PCDHGB2: variants seen among roughly 807,000 people sequenced by gnomAD.
The protein encoded by PCDHGB2 is protocadherin gamma-B2.
In PCDHGB2, 55 loss-of-function variants were observed where a neutral mutation model predicts 59.3. The ratio of observed to expected loss-of-function variants is 0.93; its 90% CI spans 0.75 to 1.16. PCDHGB2 has a LOEUF of 1.16. PCDHGB2 is among the 50% of genes most tolerant of loss of function. The probability of loss-of-function intolerance (pLI) is 0.00; values close to 1 mark genes in which losing one functional copy is unlikely to be tolerated. For synonymous variants in PCDHGB2, 516 were observed against 512.0 expected (o/e 1.01, Z -0.11); for missense variants, 1,228 against 1,198.5 (o/e 1.02, Z -0.36).
rs539072548 is a variant in PCDHGB2 at position 141,421,546 on chromosome 5, A to G, written c.2421+58990A>G. 4.3e-6 allele frequency: 7 copies of G among 1,613,896 alleles called. No homozygotes were observed. The South Asian group carries it at 4.4e-5, about 10-fold the overall frequency. ...GACGGTGTCCTCCTGTTTTTTAAAT[A>G]TGGAACTTCTCGTGGAAGACACCTT... On this transcript the variant is annotated intron_variant, in intron 1 of 3. Transcript: ENST00000522605.
chr5:141,461,921 T>G (rs2099026403), intron 1 of PCDHGB2, among the ~76,000 whole-genome samples: 1 of 152,222 alleles, frequency 6.6e-6, no homozygotes, highest in Non-Finnish European at 1.5e-5. Flanking sequence ...CCTCCTGGGT[T>G]CCAGCAATTC....
At position 141,476,402 on chromosome 5, in the gene PCDHGB2, G is replaced by A. The variant is rs775511298; in HGVS notation, c.2422-18405G>A. The stretch of plus-strand genomic sequence containing the variant: ...TGTGAACGACCGTCTGGATCGAGAG[G>A]AGCTGTGTGGGACACTGCCCTCTTG... On this transcript the variant is annotated intron_variant, in intron 1 of 3. Coordinates refer to ENST00000522605, the MANE Select transcript of PCDHGB2 (RefSeq NM_018923.3). This position sits in a 1 kb window ranked among gnomAD's most constrained non-coding sequence, Gnocchi z 7.6. 9 of 1,613,992 alleles carry A rather than the reference G, an allele frequency of 5.6e-6. No individual in the cohort carries two copies. Among genetic ancestry groups the A allele is most frequent in the African/African-American group, 1.3e-5 (1 of 74,904 alleles).
At chr5:141,365,771 A>T in intron 1 of PCDHGB2, 1 of 1,613,880 alleles carries the variant, frequency 6.2e-7, no homozygotes, top group South Asian at 1.1e-5. Context: ...TGACCCCGAC[A>T]GCGGCGACAA....
In PCDHGB2 at chr5:141,477,813, A is replaced by T; in HGVS notation, c.2422-16994A>T. ...ACTGATCGCAATGACAATGCCCCCC[A>T]GGTCCTATATCCTCGGCCAGGTGGG... On this transcript the variant is annotated intron_variant, in intron 1 of 3. Coordinates refer to ENST00000522605, the MANE Select transcript of PCDHGB2 (RefSeq NM_018923.3). The surrounding 1 kb of genome is among the most constrained non-coding windows in gnomAD (Gnocchi z 4.9). The T allele has an allele frequency of 6.2e-7, 1 of 1,614,122 alleles. No homozygotes were observed. The highest frequency in any genetic ancestry group is 1.1e-5 in the South Asian group (1 of 91,084).
At chr5:141,404,780 A>G (rs746373854) in intron 1 of PCDHGB2, 2 of 1,612,764 alleles carry the variant, frequency 1.2e-6, no homozygotes, top group African/African-American at 1.3e-5. Flanking sequence ...CCGCCTATTC[A>G]AGGCCAGTGA....
chr5:141,421,912 A>G (rs1207036091), intron 1 of PCDHGB2: 2 of 1,613,696 alleles, frequency 1.2e-6, no homozygotes, highest in Admixed American at 1.7e-5. Context: ...CGCAGTTCCC[A>G]TTCGTGTGGT....
intron 1 of PCDHGB2, chr5:141,409,250 A>G: frequency 6.2e-7 from 1 of 1,614,024 alleles, no homozygotes; most frequent in Non-Finnish European, 8.5e-7. Flanking sequence ...AATAATCATC[A>G]CTTCTCTCTC....
At chr5:141,372,522 G>A (rs759250494) in intron 1 of PCDHGB2, 17 of 1,613,986 alleles carry the variant, frequency 1.1e-5, no homozygotes, top group Non-Finnish European at 1.4e-5. Context: ...GGTGATTCTG[G>A]CAATCTCCCT....
intron 1 of PCDHGB2, among the ~76,000 whole-genome samples, chr5:141,446,153 AT>A (rs1158236808): frequency 1.3e-5 from 2 of 152,362 alleles, no homozygotes; most frequent in East Asian, 3.9e-4. Flanking sequence ...TAGGTGGAAT[AT>A]AAATTTCATG....
chr5:141,465,520 G>C (rs2099104807), intron 1 of PCDHGB2, among the ~76,000 whole-genome samples: 1 of 152,144 alleles, frequency 6.6e-6, no homozygotes, highest in Non-Finnish European at 1.5e-5. Flanking sequence ...GAAGGATTCT[G>C]GGGAAGTTTT....
At chr5:141,399,991 G>T (rs1226741326) in intron 1 of PCDHGB2, 3 of 1,612,304 alleles carry the variant, frequency 1.9e-6, no homozygotes, top group Admixed American at 3.3e-5. Context: ...CACAGGAGAG[G>T]TGCGCACAGC....
chr5:141,375,129 T>C (rs749288394), intron 1 of PCDHGB2: 4 of 1,613,890 alleles, frequency 2.5e-6, no homozygotes, highest in Non-Finnish European at 2.5e-6. Context: ...GAAGTGGTTG[T>C]TACATCTGGA....
Position 141,376,575 on chromosome 5 carries a change from C to T in PCDHGB2, c.2421+14019C>T, listed in dbSNP as rs149813666. ...CCCGCAACCCAACTAATCAGACAGG[C>T]TCATCAGCTAGATCGGCTGTTATAG... On this transcript the variant is annotated intron_variant, in intron 1 of 3. Transcript: ENST00000522605. 4.5e-5 allele frequency: 72 copies of T among 1,597,700 alleles called. No individual in the cohort carries two copies. The East Asian group carries it at 1.4e-3, about 32-fold the overall frequency.
chr5:141,483,869 G>A (rs2099587910), intron 1 of PCDHGB2, among the ~76,000 whole-genome samples: 1 of 152,126 alleles, frequency 6.6e-6, no homozygotes, highest in South Asian at 2.1e-4. Flanking sequence ...GTCCAGATCA[G>A]GATGGATTTT....
Position 141,489,065 on chromosome 5 carries a change from C to T in PCDHGB2, c.2422-5742C>T, listed in dbSNP as rs558074504. On this transcript the variant is annotated intron_variant, in intron 1 of 3. Coordinates refer to ENST00000522605, the MANE Select transcript of PCDHGB2 (RefSeq NM_018923.3). This position sits in a 1 kb window ranked among gnomAD's most constrained non-coding sequence, Gnocchi z 4.5. ...CCACTCAAATTCAGCTCCCCTCCCC[C>T]CTGCCCACCCCCGCCACTCGGTGAC... 3.3e-5 allele frequency: 13 copies of T among 388,932 alleles called. 1 individual carries two copies. Among genetic ancestry groups the T allele is most frequent in the African/African-American group, 8.5e-5 (4 of 47,158 alleles). 24.1% of individuals were successfully genotyped at this position (388,932 alleles called of 1,614,324 possible).
rs1449605701 is a variant in PCDHGB2 at position 141,485,191 on chromosome 5, A to C, written c.2422-9616A>C. ...CGGCAGCAATGCTCCGCAAGGTGAG[A>C]AGCTGGACAGAAATCTGGCGGTGGG... is the stretch of plus-strand genomic sequence containing the variant. On this transcript the variant is annotated intron_variant, in intron 1 of 3. Coordinates refer to ENST00000522605, the MANE Select transcript of PCDHGB2 (RefSeq NM_018923.3). This position sits in a 1 kb window ranked among gnomAD's most constrained non-coding sequence, Gnocchi z 5.7. The C allele has an allele frequency of 6.2e-7, 1 of 1,613,836 alleles. No individual in the cohort carries two copies. The highest frequency in any genetic ancestry group is 1.3e-5 in the African/African-American group (1 of 75,042).
At chr5:141,410,675 T>A in intron 1 of PCDHGB2, 1 of 1,551,642 alleles carries the variant, frequency 6.4e-7, no homozygotes, top group Non-Finnish European at 8.6e-7. Context: ...GTTTCTCATA[T>A]TTTAGGCATA....
At chr5:141,392,945 C>A in intron 1 of PCDHGB2, 2 of 1,613,916 alleles carry the variant, frequency 1.2e-6, no homozygotes, top group Non-Finnish European at 1.7e-6. Flanking sequence ...AAGGCTCCTT[C>A]GTGGGTAATA....
At position 141,476,943 on chromosome 5, in the gene PCDHGB2, A is replaced by G. The variant is rs538990482; in HGVS notation, c.2422-17864A>G. On this transcript the variant is annotated intron_variant, in intron 1 of 3. Coordinates refer to ENST00000522605, the MANE Select transcript of PCDHGB2 (RefSeq NM_018923.3). This position sits in a 1 kb window ranked among gnomAD's most constrained non-coding sequence, Gnocchi z 7.6. ...GCAACGGATCTGGATGAAGGCCCCA[A>G]CGGTGAAATTATTTACTCCTTCGGC... 14 of 1,614,170 alleles carry G rather than the reference A, an allele frequency of 8.7e-6. No individual in the cohort carries two copies. Among genetic ancestry groups the G allele is most frequent in the South Asian group, 1.1e-5 (1 of 91,086 alleles).
Sources: allele counts gnomAD v4.1 joint callset (sites outside exome capture counted in the v4.1 genomes callset), GRCh38; gene constraint gnomAD v4.1.1; non-coding constraint Gnocchi (gnomAD v3.1); transcripts MANE v1.5; gene names NCBI Gene and HGNC (gene_info 2026-07-23, HGNC 2026-07-21).